The following PPP1R37 variants were observed in gnomAD, a reference collection of about 807,000 sequenced individuals.
PPP1R37 encodes the protein leucine rich repeat containing 68.
PPP1R37 carries 21 observed loss-of-function variants against 61.0 expected under a neutral mutation model. That is an observed-to-expected ratio of 0.34 (90% CI 0.24 to 0.50). The LOEUF (loss-of-function observed/expected upper bound fraction) is 0.50. PPP1R37 is among the 20% of genes least tolerant of loss of function. The pLI is 0.98. For synonymous variants in PPP1R37, 443 were observed against 433.5 expected, an observed-to-expected ratio of 1.02 and a Z score of -0.27; for missense variants, 910 against 952.7, an observed-to-expected ratio of 0.96 and a Z score of 0.59.
At chr19:45,107,018 A>G (rs1968141008) in intron 1 of PPP1R37, among the ~76,000 whole-genome samples, 1 of 151,202 alleles carries the variant, frequency 6.6e-6, no homozygotes, top group African/African-American at 2.4e-5. Flanking sequence ...GGATTTCACC[A>G]TGTTAGCCAG....
intron 10 of PPP1R37, 28 bp downstream of exon 10, chr19:45,145,288 G>C (rs1365156909): frequency 4.6e-6 from 7 of 1,523,232 alleles, no homozygotes; most frequent in Middle Eastern, 1.7e-4. Flanking sequence ...CTGCAGCCCT[G>C]GGGCGGGCGG....
intron 1 of PPP1R37, among the ~76,000 whole-genome samples, chr19:45,129,688 C>G (rs1968452082): frequency 6.6e-6 from 1 of 152,116 alleles, no homozygotes; most frequent in South Asian, 2.1e-4. Flanking sequence ...CTGGTCTGGT[C>G]CCCTGTTCCC....
chr19:45,129,493 T>A (rs551688037), intron 1 of PPP1R37, among the ~76,000 whole-genome samples: 1 of 152,306 alleles, frequency 6.6e-6, no homozygotes, highest in South Asian at 2.1e-4. Flanking sequence ...GAGACAGGGT[T>A]TCACTATGTT....
At position 45,121,524 on chromosome 19, in the gene PPP1R37, GA is replaced by G. The variant is rs1187670804; in HGVS notation, c.203-16988del. Among the ~76,000 whole-genome samples the G allele has an allele frequency of 6.6e-6, 1 of 152,250 alleles. No homozygotes were observed. The highest frequency in any genetic ancestry group is 2.4e-5 in the African/African-American group (1 of 41,462). On this transcript the variant is annotated intron_variant, in intron 1 of 12. Coordinates refer to ENST00000221462, the MANE Select transcript of PPP1R37 (RefSeq NM_019121.2). The surrounding 1 kb of genome is among the most constrained non-coding windows in gnomAD (Gnocchi z 4.2). The stretch of plus-strand genomic sequence containing the variant: ...TAGGTAGGGAGCTCCCCAAATACAG[GA>G]AGAAGGTTAGAGGCAGGAAGAGCCT...
chr19:45,100,966 C>T (rs1408345283), intron 1 of PPP1R37, among the ~76,000 whole-genome samples: 4 of 152,196 alleles, frequency 2.6e-5, no homozygotes, highest in East Asian at 1.9e-4. Flanking sequence ...ATTCTTGCTG[C>T]GTGAGTGACT....
intron 1 of PPP1R37, among the ~76,000 whole-genome samples, chr19:45,103,646 T>C (rs902619061): frequency 6.6e-6 from 1 of 151,626 alleles, no homozygotes. Context: ...GGTGGGAGAG[T>C]GGGGCTGCCA....
At chr19:45,106,581 G>C (rs148916444) in intron 1 of PPP1R37, among the ~76,000 whole-genome samples, 2 of 152,046 alleles carry the variant, frequency 1.3e-5, no homozygotes, top group Admixed American at 6.6e-5. Flanking sequence ...TGTCGCCCAG[G>C]CTGGAGTGCA....
At chr19:45,128,485 C>T in intron 1 of PPP1R37, 1 of 778,852 alleles carries the variant, frequency 1.3e-6, no homozygotes, top group Non-Finnish European at 2.0e-6. Flanking sequence ...CAGCAGCAGG[C>T]CCAGAGGCAG....
At chr19:45,128,459 G>A (rs1968435810) in intron 1 of PPP1R37, 2 of 610,512 alleles carry the variant, frequency 3.3e-6, no homozygotes, top group South Asian at 3.5e-5. Flanking sequence ...TCAAGGCAGG[G>A]TGGTAGAGGC....
chr19:45,093,481 G>A lies in PPP1R37; in HGVS notation c.156G>A (p.Glu52=). The A allele has an allele frequency of 1.3e-6, 2 of 1,535,530 alleles. No homozygotes were observed. The highest frequency in any genetic ancestry group is 2.0e-5 in the Admixed American group (1 of 51,004). Residue 52 remains glutamate (E), a synonymous_variant, in exon 1 of 13, where the codon GAG becomes GAA. Coordinates refer to ENST00000221462, the MANE Select transcript of PPP1R37 (RefSeq NM_019121.2). ...AAKRVTFPSD[E]DIVSGAVEPK... is the part of the protein sequence containing the mutation. ...AGCGCGTCACATTCCCGTCCGACGA[G>A]GATATCGTGTCTGGAGCAGTGGAGC...
chr19:45,139,693 T>C (rs530595235), intron 2 of PPP1R37, among the ~76,000 whole-genome samples: 31 of 152,348 alleles, frequency 2.0e-4, no homozygotes, highest in Admixed American at 1.4e-3. Context: ...GTGTGGCAGC[T>C]GAGAGGGTGG....
chr19:45,113,335 C>A (rs150331454), intron 1 of PPP1R37, among the ~76,000 whole-genome samples: 15 of 152,244 alleles, frequency 9.9e-5, no homozygotes, highest in African/African-American at 1.4e-4. Context: ...TAATAGCTAG[C>A]GTTGGTGGAA....
At chr19:45,143,150 ACTCCAGT>A in intron 7 of PPP1R37, 1 of 191,236 alleles carries the variant, frequency 5.2e-6, no homozygotes, top group Non-Finnish European at 1.1e-5. Context: ...GGGAGTTTGT[ACTCCAGT>A]CTAGAGAGAC....
rs1222526538 is a variant in PPP1R37 at position 45,121,077 on chromosome 19, A to G, written c.203-17437A>G. On this transcript the variant is annotated intron_variant, in intron 1 of 12. Coordinates refer to ENST00000221462, the MANE Select transcript of PPP1R37 (RefSeq NM_019121.2). The surrounding 1 kb of genome is among the most constrained non-coding windows in gnomAD (Gnocchi z 4.2). The stretch of plus-strand genomic sequence containing the variant: ...AGTGGAAACGAGATCGAGTTTGTCA[A>G]TCGCTTAGTTTTGGGAGTGGGCGCA... Among the ~76,000 whole-genome samples the G allele has an allele frequency of 3.3e-5, 5 of 152,204 alleles. No homozygotes were observed. The highest frequency in any genetic ancestry group is 6.5e-5 in the Admixed American group (1 of 15,276).
intron 1 of PPP1R37, among the ~76,000 whole-genome samples, chr19:45,112,981 G>T (rs1439324027): frequency 6.6e-6 from 1 of 152,230 alleles, no homozygotes; most frequent in Non-Finnish European, 1.5e-5. Context: ...TAATGCCTGA[G>T]TGTTCAAGAT....
At chr19:45,119,441 C>G (rs925997129) in intron 1 of PPP1R37, among the ~76,000 whole-genome samples, 5 of 152,176 alleles carry the variant, frequency 3.3e-5, no homozygotes, top group African/African-American at 1.2e-4. Flanking sequence ...GCATGAGCCA[C>G]GGTGCCTGGC....
intron 1 of PPP1R37, among the ~76,000 whole-genome samples, chr19:45,133,020 AGAGTTT>A (rs1397971736): frequency 2.0e-5 from 3 of 152,224 alleles, no homozygotes; most frequent in African/African-American, 7.2e-5. Context: ...GCTTTGCTCA[AGAGTTT>A]GAGTTGGGCG....
chr19:45,111,442 CT>C (rs1448150716), intron 1 of PPP1R37, among the ~76,000 whole-genome samples: 6 of 151,962 alleles, frequency 3.9e-5, no homozygotes, highest in Non-Finnish European at 8.8e-5. Flanking sequence ...ACCCAGCTAA[CT>C]TTTGTATTTT....
intron 1 of PPP1R37, among the ~76,000 whole-genome samples, chr19:45,108,487 C>T (rs1968160397): frequency 6.6e-6 from 1 of 151,740 alleles, no homozygotes; most frequent in South Asian, 2.1e-4. Flanking sequence ...GAATTGCAGG[C>T]GTGAGTCACT....
Sources: allele counts gnomAD v4.1 joint callset (sites outside exome capture counted in the v4.1 genomes callset), GRCh38; gene constraint gnomAD v4.1.1; non-coding constraint Gnocchi (gnomAD v3.1); transcripts MANE v1.5; gene names NCBI Gene and HGNC (gene_info 2026-07-23, HGNC 2026-07-21).